Variants in SEMA4B observed in about 807,000 individuals in gnomAD.
The protein encoded by SEMA4B is semaphorin 4B, also known as semaphorin-4B.
A neutral mutation model predicts 88.1 loss-of-function variants in SEMA4B; 55 were observed. The ratio of observed to expected loss-of-function variants is 0.62; its 90% CI spans 0.50 to 0.78. The LOEUF (loss-of-function observed/expected upper bound fraction) is 0.78, where lower values mean the gene tolerates loss of function less well. Ranked by LOEUF, SEMA4B falls within the 30% of genes least tolerant of loss-of-function variation. The pLI is 0.00. For synonymous variants in SEMA4B, 525 were observed against 473.6 expected, an observed-to-expected ratio of 1.11 and a Z score of -1.41; for missense variants, 1,062 against 1,111.9, an observed-to-expected ratio of 0.96 and a Z score of 0.64.
rs542968626 is a variant in SEMA4B, at chr15:90,222,064, C to T, written c.861+299C>T. ...AAGCAGTTCTCCTACCTCAGCCTCCCGAGTAGCTGAGACTACAGGTGTGCG... is the reference window on the plus strand; with the variant it reads ...AAGCAGTTCTCCTACCTCAGCCTCCTGAGTAGCTGAGACTACAGGTGTGCG... On this transcript the variant is annotated intron_variant, in intron 7 of 13. Coordinates refer to ENST00000411539, the MANE Select transcript of SEMA4B (RefSeq NM_198925.4). 6.6e-5 allele frequency among the ~76,000 whole-genome samples: 10 copies of T among 151,602 alleles called. No individual in the cohort carries two copies. In the South Asian group the frequency reaches 1.7e-3, roughly 25 times the overall value.
rs767668660 is a variant in SEMA4B at position 90,217,572 on chromosome 15, C to T, written c.291C>T (p.Leu97=). Residue 97 remains leucine (L), a synonymous_variant, in exon 2 of 14, where the codon CTC becomes CTT. Coordinates refer to ENST00000411539, the MANE Select transcript of SEMA4B (RefSeq NM_198925.4). ...REALFALSSN[L]SFLPGGEYQE... Reference sequence around the variant, plus strand: ...CCCTCTTTGCACTCAGTAGCAACCTCAGCTTCCTGCCAGGCGGGGAGTACC... The same window carrying T: ...CCCTCTTTGCACTCAGTAGCAACCTTAGCTTCCTGCCAGGCGGGGAGTACC... 6.2e-7 allele frequency: 1 copy of T among 1,613,958 alleles called. No individual in the cohort carries two copies. Among genetic ancestry groups the T allele is most frequent in the Non-Finnish European group, 8.5e-7 (1 of 1,179,878 alleles).
intron 1 of SEMA4B, among the ~76,000 whole-genome samples, chr15:90,187,514 T>C (rs1322504085): frequency 1.3e-5 from 2 of 152,112 alleles, no homozygotes; most frequent in Non-Finnish European, 2.9e-5. Flanking sequence ...GGATGTGATG[T>C]GTAAGTGAGT....
In SEMA4B at chr15:90,217,531, G is replaced by C; in HGVS notation, c.250G>C (p.Val84Leu). ...GAGCAGGGATGGCAGGACCCTGTAC[G>C]TGGGTGCTCGAGAGGCCCTCTTTGC... ...LLSRDGRTLYVGAREALFALS... is the reference protein window; with the variant it reads ...LLSRDGRTLYLGAREALFALS... Residue 84 changes from valine (V) to leucine (L), a missense_variant, in exon 2 of 14, where the codon GTG becomes CTG. Transcript: ENST00000411539. The C allele has an allele frequency of 6.2e-7, 1 of 1,613,970 alleles. No individual in the cohort carries two copies. The highest frequency in any genetic ancestry group is 8.5e-7 in the Non-Finnish European group (1 of 1,179,894).
intron 1 of SEMA4B, among the ~76,000 whole-genome samples, chr15:90,208,932 G>C (rs1050695540): frequency 1.1e-4 from 16 of 152,128 alleles, no homozygotes; most frequent in East Asian, 5.8e-4. Context: ...GGTAGAGACA[G>C]GGTTTCATCA....
At position 90,207,995 on chromosome 15, in the gene SEMA4B, A is replaced by G. The variant is rs151320358; in HGVS notation, c.157+6260A>G. 8.2e-3 allele frequency among the ~76,000 whole-genome samples: 1,243 copies of G among 152,300 alleles called. 20 individuals are homozygous for G. Among genetic ancestry groups the G allele is most frequent in the African/African-American group, 0.028 (1,168 of 41,554 alleles). On this transcript the variant is annotated intron_variant, in intron 1 of 13. Transcript: ENST00000411539. The stretch of plus-strand genomic sequence containing the variant: ...AGGCCAGGTGCGGTGGCTCACGCCT[A>G]TAATCCCAGCACTTTGGGAGGCCGA...
upstream of SEMA4B, among the ~76,000 whole-genome samples, chr15:90,199,190 G>T (rs1413109230): frequency 2.0e-5 from 3 of 152,098 alleles, no homozygotes; most frequent in Non-Finnish European, 4.4e-5. Flanking sequence ...GTGTTTTAAA[G>T]ACTCACTCCA....
Position 90,201,662 on chromosome 15 carries a change from CCTGCTGCTG to C in SEMA4B, c.90_98del (p.Leu33_Leu35del), listed in dbSNP as rs770362220. On this transcript the variant is annotated inframe_deletion, in exon 1 of 14. Coordinates refer to ENST00000411539, the MANE Select transcript of SEMA4B (RefSeq NM_198925.4). ...CGCCTCGGCCACCGCTGCTGCTGCT[CCTGCTGCTG>C]CTGCTCCTGCTGCAGCCGCCGCCTC... 1 of 1,516,768 alleles carries C rather than the reference CCTGCTGCTG, an allele frequency of 6.6e-7. No homozygotes were observed. Among genetic ancestry groups the C allele is most frequent in the Non-Finnish European group, 8.8e-7 (1 of 1,139,764 alleles). The allele number at this position is 1,516,768 out of a possible 1,614,324, so 94.0% of individuals were successfully genotyped here.
chr15:90,221,464 C>T lies in SEMA4B; in HGVS notation c.693C>T (p.Ser231=). ...TTCGCCCCACCAAGACCGAGAGCTC[C>T]CTCAACTGGCTGCAAGGTGAAGTCC... The part of the protein sequence containing the change: ...QSLRPTKTES[S]LNWLQDPAFV... Residue 231 remains serine (S), a synonymous_variant, in exon 6 of 14, where the codon TCC becomes TCT. Transcript: ENST00000411539. The T allele has an allele frequency of 6.3e-7, 1 of 1,594,376 alleles. No individual in the cohort carries two copies. The highest frequency in any genetic ancestry group is 8.5e-7 in the Non-Finnish European group (1 of 1,170,758).
At chr15:90,209,457 C>T (rs1284942007) in intron 1 of SEMA4B, among the ~76,000 whole-genome samples, 1 of 152,000 alleles carries the variant, frequency 6.6e-6, no homozygotes, top group African/African-American at 2.4e-5. Context: ...TCCGGCTACT[C>T]AGGAGGCTGA....
chr15:90,185,504 G>A (rs1486350506), intron 1 of SEMA4B, among the ~76,000 whole-genome samples: 2 of 152,240 alleles, frequency 1.3e-5, no homozygotes, highest in Non-Finnish European at 2.9e-5. Context: ...GTGCTAGAAG[G>A]AGAAGGCTAG....
chr15:90,216,014 G>C (rs899037712), intron 1 of SEMA4B, among the ~76,000 whole-genome samples: 8 of 149,864 alleles, frequency 5.3e-5, no homozygotes, highest in African/African-American at 2.0e-4. Context: ...TTGAGATGGA[G>C]TTTCACTCTT....
chr15:90,201,294 C>T, upstream of SEMA4B: 7 of 1,120,748 alleles, frequency 6.2e-6, no homozygotes, highest in Non-Finnish European at 7.6e-6. Context: ...CGGCCGGGCT[C>T]ACGGCCGACT....
chr15:90,214,061 GCTGGGCGCGGTGGCTCAGGC>G (rs1961403350), intron 1 of SEMA4B, among the ~76,000 whole-genome samples: 2 of 152,210 alleles, frequency 1.3e-5, no homozygotes, highest in Admixed American at 1.3e-4. Flanking sequence ...CTGAGCTTCG[GCTGGGCGCGGTGGCTCAGGC>G]CTATAATCCC....
intron 1 of SEMA4B, among the ~76,000 whole-genome samples, chr15:90,211,435 C>T (rs918847843): frequency 6.6e-6 from 1 of 152,202 alleles, no homozygotes; most frequent in African/African-American, 2.4e-5. Flanking sequence ...GCACACAATA[C>T]CCCCAACCTC....
At position 90,223,969 on chromosome 15, in the gene SEMA4B, C is replaced by T. The variant is rs777770248; in HGVS notation, c.1175C>T (p.Pro392Leu). The change falls in exon 9 of 14, where the codon CCC becomes CTC. Residue 392 changes from proline to leucine, a missense_variant. Coordinates refer to ENST00000411539, the MANE Select transcript of SEMA4B (RefSeq NM_198925.4). Reference protein sequence around the residue: ...QQWYTVTHPVPTPRPGACITN... With the variant: ...QQWYTVTHPVLTPRPGACITN... ...TGGTACACCGTGACCCACCCGGTGC[C>T]CACACCCCGGCCTGGAGCGGTGGGT... is the stretch of plus-strand genomic sequence containing the variant. The T allele has an allele frequency of 2.3e-5, 37 of 1,613,128 alleles. No individual in the cohort carries two copies. Among genetic ancestry groups the T allele is most frequent in the South Asian group, 4.4e-5 (4 of 91,072 alleles).
upstream of SEMA4B, among the ~76,000 whole-genome samples, chr15:90,198,294 C>T (rs374450583): frequency 2.6e-5 from 4 of 152,176 alleles, no homozygotes; most frequent in African/African-American, 9.7e-5. Flanking sequence ...CAGCAGTATT[C>T]TGTGACTCAA....
chr15:90,201,329 C>T (rs1384155713), upstream of SEMA4B: 1 of 1,195,562 alleles, frequency 8.4e-7, no homozygotes, highest in East Asian at 3.6e-5. Context: ...CGCCCTCCGC[C>T]GCTTGCGGGT....
upstream of SEMA4B, among the ~76,000 whole-genome samples, chr15:90,199,757 C>T (rs571476077): frequency 1.1e-3 from 163 of 151,992 alleles, no homozygotes; most frequent in South Asian, 1.9e-3. Context: ...ACCCAGAAGG[C>T]AGAGGTTGCA....
intron 1 of SEMA4B, among the ~76,000 whole-genome samples, chr15:90,203,991 C>G (rs1169828191): frequency 7.0e-6 from 1 of 142,728 alleles, no homozygotes; most frequent in Non-Finnish European, 1.5e-5. Context: ...ATACCCACCT[C>G]CTACTCTTAC....
Sources: gnomAD v4.1 joint callset for allele counts (sites outside exome capture counted in the v4.1 genomes callset) on GRCh38, gnomAD v4.1.1 for gene constraint, MANE v1.5 for transcripts, NCBI Gene and HGNC (gene_info 2026-07-23, HGNC 2026-07-21) for gene names.